The following ABRAXAS1 variants were observed in gnomAD, a reference collection of about 807,000 sequenced individuals.
ABRAXAS1 encodes abraxas 1, BRCA1 A complex subunit, also known as BRCA1-A complex subunit Abraxas 1.
Under a neutral mutation model 38.4 loss-of-function variants are expected in ABRAXAS1, and 26 were observed. The observed-to-expected ratio is 0.68, with a 90% CI of 0.50 to 0.94. ABRAXAS1 has a LOEUF of 0.94. Among genes scored for constraint, ABRAXAS1 ranks in the 40% least tolerant of loss-of-function variants. The probability of loss-of-function intolerance (pLI) is 0.00; values close to 1 mark genes in which losing one functional copy is unlikely to be tolerated. For missense variants in ABRAXAS1, 438 were observed against 481.9 expected, an observed-to-expected ratio of 0.91 and a Z score of 0.85; for synonymous variants, 144 against 165.5, an observed-to-expected ratio of 0.87 and a Z score of 1.00.
At chr4:83,470,458 TAATTA>T (rs918182945) in intron 4 of ABRAXAS1, 62 bp from the exon 5 acceptor site, 5 of 1,161,822 alleles carry the variant, frequency 4.3e-6, no homozygotes, top group African/African-American at 3.2e-5. Context: ...CTTACTATTA[TAATTA>T]AATAAAATAA....
At chr4:83,469,446 A>T (rs1228771153) in intron 5 of ABRAXAS1, 2 of 277,856 alleles carry the variant, frequency 7.2e-6, no homozygotes, top group Admixed American at 9.1e-5. Context: ...CCTCCCAAGT[A>T]GCTGGGACTA....
At position 83,469,144 on chromosome 4, in the gene ABRAXAS1, G is replaced by C; in HGVS notation, c.484C>G (p.His162Asp). ...SLYKPQKGLF[H>D]RVPLVVANLG... Reference sequence around the variant, plus strand: ...TTGGCAACCACTAAAGGTACCCTGTGAAAAAGTCTGACAAAATAAAACTTT... The same window carrying C: ...TTGGCAACCACTAAAGGTACCCTGTCAAAAAGTCTGACAAAATAAAACTTT... Residue 162 changes from histidine (H) to aspartate (D), a missense_variant, in exon 6 of 9, where the codon CAC (histidine) becomes GAC (aspartate). This residue lies in a region of ABRAXAS1 where 194 missense variants were observed against 269.0 expected (regional missense o/e 0.72). Coordinates refer to ENST00000321945, the MANE Select transcript of ABRAXAS1 (RefSeq NM_139076.3). 6.2e-7 allele frequency: 1 copy of C among 1,612,976 alleles called. No homozygotes were observed.
intron 3 of ABRAXAS1, among the ~76,000 whole-genome samples, chr4:83,473,854 C>A (rs1056663288): frequency 2.2e-4 from 33 of 151,296 alleles, no homozygotes; most frequent in African/African-American, 7.7e-4. Flanking sequence ...TTTCAGAAGC[C>A]GGGCACAGTG....
At chr4:83,467,671 C>T (rs959080858) in intron 6 of ABRAXAS1, 133 bp from the exon 7 acceptor site, 5 of 585,766 alleles carry the variant, frequency 8.5e-6, no homozygotes, top group Admixed American at 3.4e-5. Context: ...TTTTGTCAAT[C>T]TATGTGTATA....
In ABRAXAS1 at chr4:83,474,313, TAACA is replaced by T. The variant is rs1184445583; in HGVS notation, c.216-2029_216-2026del. Among the ~76,000 whole-genome samples the T allele has an allele frequency of 2.0e-5, 3 of 152,322 alleles. No individual in the cohort carries two copies. In the East Asian group the frequency reaches 5.8e-4, roughly 29 times the overall value. On this transcript the variant is annotated intron_variant, in intron 3 of 8. Coordinates refer to ENST00000321945, the MANE Select transcript of ABRAXAS1 (RefSeq NM_139076.3). ...CATCCTAATGTATTTAGTGCAGGGT[TAACA>T]AACTTTCTGTAAAGGCTTGTATAGA... is the stretch of plus-strand genomic sequence containing the variant.
At position 83,459,555 on chromosome 4, in the gene ABRAXAS1, C is replaced by T; in HGVS notation, c.*2914G>A. On this transcript the variant is annotated 3_prime_UTR_variant, in exon 9 of 9. Coordinates refer to ENST00000321945, the MANE Select transcript of ABRAXAS1 (RefSeq NM_139076.3). ...GCTGTTTAATTATATATAGACTTGA[C>T]ACACTGGATAGAAAATATTTAAAAG... 1 of 550,852 alleles carries T rather than the reference C, an allele frequency of 1.8e-6. No homozygotes were observed. Among genetic ancestry groups the T allele is most frequent in the Non-Finnish European group, 3.2e-6 (1 of 309,290 alleles). The allele number at this position is 550,852 out of a possible 1,614,324, so 34.1% of individuals were successfully genotyped here.
chr4:83,459,542 T>C lies in ABRAXAS1; in HGVS notation c.*2927A>G. ...TGCTGATTAATCTGCTGTTTAATTA[T>C]ATATAGACTTGACACACTGGATAGA... is the stretch of plus-strand genomic sequence containing the variant. On this transcript the variant is annotated 3_prime_UTR_variant, in exon 9 of 9. Coordinates refer to ENST00000321945, the MANE Select transcript of ABRAXAS1 (RefSeq NM_139076.3). 1 of 521,152 alleles carries C rather than the reference T, an allele frequency of 1.9e-6. No homozygotes were observed. Among genetic ancestry groups the C allele is most frequent in the Non-Finnish European group, 3.4e-6 (1 of 291,930 alleles). The allele number at this position is 521,152 out of a possible 1,614,324, so 32.3% of individuals were successfully genotyped here. A position where few individuals can be genotyped will look rare whatever the true frequency, so the allele number is the denominator to read the frequency against.
intron 2 of ABRAXAS1, chr4:83,480,333 C>A: frequency 2.5e-6 from 1 of 405,566 alleles, no homozygotes; most frequent in Non-Finnish European, 4.8e-6. Context: ...GATCATGCCA[C>A]TTCACTCCAG....
In ABRAXAS1 at chr4:83,461,775, A is replaced by G. The variant is rs1722127984; in HGVS notation, c.*694T>C. 1 of 228,484 alleles carries G rather than the reference A, an allele frequency of 4.4e-6. No homozygotes were observed. Among genetic ancestry groups the G allele is most frequent in the Non-Finnish European group, 8.7e-6 (1 of 115,244 alleles). The allele number at this position is 228,484 out of a possible 1,614,324, so 14.2% of individuals were successfully genotyped here. ...CTGTATTCAAAATGATAGATTTGCT[A>G]AATTTCATGCAAAGGACTCTAAACT... On this transcript the variant is annotated 3_prime_UTR_variant, in exon 9 of 9. Coordinates refer to ENST00000321945, the MANE Select transcript of ABRAXAS1 (RefSeq NM_139076.3).
chr4:83,478,394 A>G (rs912368834), intron 2 of ABRAXAS1: 2 of 553,934 alleles, frequency 3.6e-6, no homozygotes, highest in Admixed American at 2.0e-5. Context: ...TTTAAATTAC[A>G]TATGAGTAGC....
intron 3 of ABRAXAS1, among the ~76,000 whole-genome samples, chr4:83,475,526 C>T (rs978883767): frequency 1.3e-4 from 20 of 152,122 alleles, no homozygotes; most frequent in African/African-American, 4.6e-4. Flanking sequence ...TCACTTCAGC[C>T]TCTTTCTCCT....
intron 8 of ABRAXAS1, among the ~76,000 whole-genome samples, 154 bp downstream of exon 8, chr4:83,463,340 G>A (rs977345020): frequency 6.6e-6 from 1 of 152,202 alleles, no homozygotes; most frequent in Non-Finnish European, 1.5e-5. Flanking sequence ...GGCTGAGGCA[G>A]GAGAATCGCT....
chr4:83,484,989 G>A lies in ABRAXAS1; in HGVS notation c.84C>T (p.Asp28=). 1.9e-6 allele frequency: 3 copies of A among 1,587,244 alleles called. No individual in the cohort carries two copies. The highest frequency in any genetic ancestry group is 2.4e-5 in the East Asian group (1 of 42,214). ...LAFQHLNTDS[D]TEGFLLGEVK... ...CCCGCCCCGTCCCTCGGCTCACCGT[G>A]TCCGAGTCCGTGTTGAGGTGCTGGA... The change falls in exon 1 of 9, where the codon GAC becomes GAT. Residue 28 remains aspartate, a synonymous_variant. Transcript: ENST00000321945.
Position 83,460,694 on chromosome 4 carries a change from A to C in ABRAXAS1, c.*1775T>G, listed in dbSNP as rs997529080. The C allele has an allele frequency of 1.8e-5, 6 of 335,738 alleles. No individual in the cohort carries two copies. Among genetic ancestry groups the C allele is most frequent in the African/African-American group, 6.6e-5 (3 of 45,438 alleles). The allele number at this position is 335,738 out of a possible 1,614,324, so 20.8% of individuals were successfully genotyped here. On this transcript the variant is annotated 3_prime_UTR_variant, in exon 9 of 9. Transcript: ENST00000321945. ...TGAGGTGGGCAGATCACCTGAGGCC[A>C]GGAGTTCAGGACCAGCCTGGCCAAT...
rs1283569945 is a variant in ABRAXAS1 at position 83,478,466 on chromosome 4, C to T, written c.179-1787G>A. ...GAGCCCAGCCCTGCCAGCCTTTCTA[C>T]TCCTTTTCCCTTTTCCCGTGTTCTA... On this transcript the variant is annotated intron_variant, in intron 2 of 8. Coordinates refer to ENST00000321945, the MANE Select transcript of ABRAXAS1 (RefSeq NM_139076.3). 4 of 446,044 alleles carry T rather than the reference C, an allele frequency of 9.0e-6. No individual in the cohort carries two copies. The East Asian group carries it at 1.6e-4, about 18-fold the overall frequency. 27.6% of individuals were successfully genotyped at this position (446,044 alleles called of 1,614,324 possible). A position where few individuals can be genotyped will look rare whatever the true frequency, so the allele number is the denominator to read the frequency against.
At chr4:83,466,007 T>G (rs1298882489) in intron 7 of ABRAXAS1, among the ~76,000 whole-genome samples, 1 of 152,198 alleles carries the variant, frequency 6.6e-6, no homozygotes, top group Non-Finnish European at 1.5e-5. Context: ...GACCTACCAC[T>G]GTGTTAAGCC....
In ABRAXAS1 at chr4:83,461,657, A is replaced by G. The variant is rs1722121895; in HGVS notation, c.*812T>C. The G allele has an allele frequency of 7.5e-6, 2 of 265,588 alleles. No homozygotes were observed. The highest frequency in any genetic ancestry group is 1.5e-5 in the Non-Finnish European group (2 of 136,482). 16.5% of individuals were successfully genotyped at this position (265,588 alleles called of 1,614,324 possible). A position where few individuals can be genotyped will look rare whatever the true frequency, so the allele number is the denominator to read the frequency against. On this transcript the variant is annotated 3_prime_UTR_variant, in exon 9 of 9. Transcript: ENST00000321945. The stretch of plus-strand genomic sequence containing the variant: ...TACATGAAGAGATGATTTACACCTA[A>G]TAGACATTGAATATGATAGACATAC...
At chr4:83,476,203 A>G (rs1353297191) in intron 3 of ABRAXAS1, among the ~76,000 whole-genome samples, 1 of 152,226 alleles carries the variant, frequency 6.6e-6, no homozygotes, top group East Asian at 1.9e-4. Flanking sequence ...CCCTGTCTCA[A>G]AAAGAAAAAG....
intron 2 of ABRAXAS1, among the ~76,000 whole-genome samples, chr4:83,480,639 CAAG>C (rs1343751328): frequency 6.6e-6 from 1 of 152,112 alleles, no homozygotes; most frequent in Admixed American, 6.6e-5. Flanking sequence ...AAAAACCTTA[CAAG>C]TGTTCATACC....
Sources: allele counts gnomAD v4.1 joint callset (sites outside exome capture counted in the v4.1 genomes callset), GRCh38; gene constraint gnomAD v4.1.1; regional missense constraint gnomAD v4.1.1; transcripts MANE v1.5; gene names NCBI Gene and HGNC (gene_info 2026-07-23, HGNC 2026-07-21).